The following SCRG1 variants were observed in gnomAD, a reference collection of about 807,000 sequenced individuals.
SCRG1 encodes the protein stimulator of chondrogenesis 1.
A neutral mutation model predicts 7.7 loss-of-function variants in SCRG1; 3 were observed. The ratio of observed to expected loss-of-function variants is 0.39; its 90% confidence interval spans 0.18 to 1.01. The LOEUF (loss-of-function observed/expected upper bound fraction) is 1.01. Among genes scored for constraint, SCRG1 ranks in the 50% least tolerant of loss-of-function variants. SCRG1 has a pLI of 0.36. For missense variants in SCRG1, 110 were observed against 117.2 expected (o/e 0.94, Z 0.28); for synonymous variants, 46 against 41.2 (o/e 1.12, Z -0.44).
the SCRG1 span, among the ~76,000 whole-genome samples, chr4:173,479,282 A>G: frequency 1.3e-5 from 2 of 152,204 alleles, no homozygotes; most frequent in Non-Finnish European, 2.9e-5. Context: ...TAGATATATG[A>G]GAAGAAAATG....
the SCRG1 span, among the ~76,000 whole-genome samples, chr4:173,463,269 ATTAT>A: frequency 1.3e-5 from 2 of 151,878 alleles, no homozygotes; most frequent in East Asian, 3.9e-4. Flanking sequence ...TTTTGTTTTT[ATTAT>A]TTATTTATTT....
At chr4:173,416,037 A>G in the SCRG1 span, among the ~76,000 whole-genome samples, 4 of 152,334 alleles carry the variant, frequency 2.6e-5, no homozygotes, top group South Asian at 4.1e-4. Flanking sequence ...GGGTGTTTTG[A>G]GTACCTGGGA....
chr4:173,434,084 G>A, the SCRG1 span, among the ~76,000 whole-genome samples: 5 of 152,284 alleles, frequency 3.3e-5, no homozygotes, highest in African/African-American at 1.2e-4. Context: ...GACCTCGATG[G>A]AAAAGAATGC....
the SCRG1 span, among the ~76,000 whole-genome samples, chr4:173,507,841 GA>G: frequency 2.0e-5 from 3 of 152,354 alleles, no homozygotes; most frequent in East Asian, 5.8e-4. This position sits in a 1 kb window ranked among gnomAD's most constrained non-coding sequence, Gnocchi z 4.4. Context: ...AACAGGGTGT[GA>G]AAAGTAATAT....
chr4:173,476,293 C>A, the SCRG1 span, among the ~76,000 whole-genome samples: 1 of 144,976 alleles, frequency 6.9e-6, no homozygotes, highest in East Asian at 2.1e-4. Context: ...TGGGCAGAAA[C>A]CTTGACAGAT....
At chr4:173,487,197 A>C in the SCRG1 span, among the ~76,000 whole-genome samples, 1 of 152,210 alleles carries the variant, frequency 6.6e-6, no homozygotes, top group African/African-American at 2.4e-5. Flanking sequence ...TCATGGACTT[A>C]TCAGATGTTC....
chr4:173,481,584 A>C, the SCRG1 span, among the ~76,000 whole-genome samples: 1 of 152,014 alleles, frequency 6.6e-6, no homozygotes, highest in African/African-American at 2.4e-5. Context: ...CTCCCCCTCC[A>C]CATCCTCCAC....
the SCRG1 span, among the ~76,000 whole-genome samples, chr4:173,479,437 T>TTG: frequency 3.7e-4 from 53 of 143,832 alleles, no homozygotes; most frequent in East Asian, 9.3e-3. Context: ...GTTTGTTTGT[T>TTG]TTTTTGTTTT....
In SCRG1 at chr4:173,391,306, TGTGATCTTTTA is replaced by T. The variant is rs763101854; in HGVS notation, c.98_108del (p.Leu33GlnfsTer11). 1.4e-5 allele frequency: 23 copies of T among 1,614,052 alleles called. No homozygotes were observed. In the African/African-American group the frequency reaches 2.7e-4, roughly 19 times the overall value. On this transcript the variant is annotated frameshift_variant, in exon 2 of 3. Coordinates refer to ENST00000296506, the MANE Select transcript of SCRG1 (RefSeq NM_007281.4). LOFTEE classifies it high-confidence loss of function. ...ACTCCTTCCGGAAGGTTGTGACAGT[TGTGATCTTTTA>T]GTATCTTTCTGTAGCAAGAGAGGCG...
At chr4:173,488,229 A>G in the SCRG1 span, among the ~76,000 whole-genome samples, 2 of 152,170 alleles carry the variant, frequency 1.3e-5, no homozygotes, top group South Asian at 4.1e-4. Flanking sequence ...ACATTTAGGA[A>G]TAAGTGGCAA....
the SCRG1 span, among the ~76,000 whole-genome samples, chr4:173,441,723 G>A: frequency 2.0e-5 from 3 of 152,136 alleles, no homozygotes; most frequent in Non-Finnish European, 4.4e-5. Flanking sequence ...AAAGTCTGTA[G>A]TCTAGGCTGG....
the SCRG1 span, among the ~76,000 whole-genome samples, chr4:173,455,682 T>C: frequency 6.6e-6 from 1 of 152,114 alleles, no homozygotes; most frequent in Non-Finnish European, 1.5e-5. Flanking sequence ...ATCTGTCACA[T>C]GTGAAAAAAG....
chr4:173,435,285 G>T, the SCRG1 span, among the ~76,000 whole-genome samples: 6 of 152,102 alleles, frequency 3.9e-5, no homozygotes, highest in African/African-American at 1.4e-4. Flanking sequence ...AAAGATGAAA[G>T]ACAATGGAGC....
chr4:173,418,564 T>C, the SCRG1 span, among the ~76,000 whole-genome samples: 13 of 152,220 alleles, frequency 8.5e-5, no homozygotes, highest in African/African-American at 3.1e-4. Context: ...AGTACGGAGT[T>C]TGAACACGAG....
At chr4:173,485,011 T>A in the SCRG1 span, among the ~76,000 whole-genome samples, 4 of 10,992 alleles carry the variant, frequency 3.6e-4, 1 homozygote, top group African/African-American at 6.9e-4. Context: ...ATAAATATAA[T>A]ATATAATATA....
chr4:173,470,369 GGA>G, the SCRG1 span, among the ~76,000 whole-genome samples: 2 of 152,124 alleles, frequency 1.3e-5, 1 homozygote, highest in South Asian at 4.1e-4. Context: ...CCTCCTTTGT[GGA>G]GCTTACAGTC....
the SCRG1 span, among the ~76,000 whole-genome samples, chr4:173,454,032 C>A: frequency 6.7e-6 from 1 of 149,074 alleles, no homozygotes; most frequent in East Asian, 2.0e-4. Context: ...GAGCCGAGAT[C>A]GTGCCACTGC....
the SCRG1 span, among the ~76,000 whole-genome samples, chr4:173,479,443 G>T: frequency 0.37 from 50,195 of 134,462 alleles, 9,357 homozygotes; most frequent in South Asian, 0.54. Flanking sequence ...TTGTTTTTTT[G>T]TTTTTTTTTT....
the SCRG1 span, among the ~76,000 whole-genome samples, chr4:173,515,193 AAC>A: frequency 6.6e-6 from 1 of 152,226 alleles, no homozygotes; most frequent in African/African-American, 2.4e-5. The surrounding 1 kb of genome is among the most constrained non-coding windows in gnomAD (Gnocchi z 4.6). Context: ...CAGAAGTTGG[AAC>A]ATACGGTGCC....
Sources: allele counts gnomAD v4.1 joint callset (sites outside exome capture counted in the v4.1 genomes callset), GRCh38; gene constraint gnomAD v4.1.1; non-coding constraint Gnocchi (gnomAD v3.1); transcripts MANE v1.5; gene names NCBI Gene and HGNC (gene_info 2026-07-23, HGNC 2026-07-21).